Variants in ADH1B observed in about 807,000 individuals in gnomAD.
ADH1B encodes the protein all-trans-retinol dehydrogenase [NAD(+)] ADH1B.
A neutral mutation model predicts 34.6 loss-of-function variants in ADH1B; 29 were observed. That is an observed-to-expected ratio of 0.84 (90% confidence interval 0.62 to 1.14). The LOEUF (loss-of-function observed/expected upper bound fraction) is 1.14, where lower values mean the gene tolerates loss of function less well. Among genes scored for constraint, ADH1B ranks in the 50% most tolerant of loss-of-function variants. The pLI, the probability that ADH1B is intolerant of heterozygous loss-of-function variation, is 0.00. For missense variants in ADH1B, 424 were observed against 468.4 expected (o/e 0.91, Z 0.87); for synonymous variants, 170 against 175.5 (o/e 0.97, Z 0.25).
intron 1 of ADH1B, chr4:99,320,171 A>T (rs957630251): frequency 6.6e-6 from 1 of 152,042 alleles, no homozygotes; most frequent in African/African-American, 2.4e-5. Context: ...ACTGAACCCA[A>T]TATGTAGTCT....
In ADH1B at chr4:99,314,010, T is replaced by C. The variant is rs755890908; in HGVS notation, c.639A>G (p.Lys213=). The part of the protein sequence containing the change: ...GVGLSAVMGC[K]AAGAARIIAV... The stretch of plus-strand genomic sequence containing the variant: ...CAATGATTCTGGCTGCTCCAGCTGC[T>C]TTACAGCCCATAACAGCAGATAGGC... The change falls in exon 6 of 9, where the codon AAA becomes AAG. Residue 213 remains lysine (K), a synonymous_variant. Coordinates refer to ENST00000305046, the MANE Select transcript of ADH1B (RefSeq NM_000668.6). 52 of 1,614,086 alleles carry C rather than the reference T, an allele frequency of 3.2e-5. No individual in the cohort carries two copies. The highest frequency in any genetic ancestry group is 4.2e-5 in the Non-Finnish European group (50 of 1,180,042).
At chr4:99,317,918 T>A (rs1015151405) in intron 3 of ADH1B, 128 bp downstream of exon 3, 3 of 1,483,738 alleles carry the variant, frequency 2.0e-6, no homozygotes, top group Non-Finnish European at 2.7e-6. Flanking sequence ...AAGAGGAAAC[T>A]CCTGAAGTCC....
At chr4:99,313,545 T>C (rs558959237) in intron 6 of ADH1B, 249 of 433,054 alleles carry the variant, frequency 5.7e-4, no homozygotes, top group Admixed American at 1.3e-3. Flanking sequence ...ATTTTTTAAC[T>C]AAAAATTAAT....
At chr4:99,310,930 G>C in intron 7 of ADH1B, 27 bp from the exon 8 acceptor site, 1 of 1,607,098 alleles carries the variant, frequency 6.2e-7, no homozygotes, top group Non-Finnish European at 8.5e-7. Context: ...ATCATTGTTG[G>C]ATTCAGCTAG....
At chr4:99,309,174 A>G (rs190708758) in intron 8 of ADH1B, among the ~76,000 whole-genome samples, 1 of 152,148 alleles carries the variant, frequency 6.6e-6, no homozygotes, top group Admixed American at 6.5e-5. Flanking sequence ...ATGTTTCTAA[A>G]GTTCTAACAA....
Position 99,321,052 on chromosome 4 carries a change from AT to A in ADH1B, c.18+261del. The A allele has an allele frequency of 5.0e-6, 3 of 598,750 alleles. No individual in the cohort carries two copies. In the South Asian group the frequency reaches 6.2e-5, roughly 12 times the overall value. 37.1% of individuals were successfully genotyped at this position (598,750 alleles called of 1,614,324 possible). A position where few individuals can be genotyped will look rare whatever the true frequency, so the allele number is the denominator to read the frequency against. The stretch of plus-strand genomic sequence containing the variant: ...CATGATTAGCTTGGAATAAACTATC[AT>A]TTTACTGTAAATTTATTTAATGTAG... On this transcript the variant is annotated intron_variant, in intron 1 of 8. Transcript: ENST00000305046.
At chr4:99,319,279 A>G (rs1733962742) in intron 1 of ADH1B, 7 of 294,246 alleles carry the variant, frequency 2.4e-5, no homozygotes, top group Non-Finnish European at 3.9e-5. Context: ...GTCTGTCTAC[A>G]TAAAATACAC....
chr4:99,316,279 T>G lies in ADH1B; in HGVS notation c.283A>C (p.Thr95Pro). Residue 95 changes from threonine (T) to proline (P), a missense_variant, in exon 4 of 9, where the codon ACT becomes CCT. Thr to Pro is a conservative substitution (Grantham distance 38, BLOSUM62 -1). This residue lies in a region of ADH1B where 291 missense variants were observed against 300.4 expected (regional missense o/e 0.97). Coordinates refer to ENST00000305046, the MANE Select transcript of ADH1B (RefSeq NM_000668.6). ...ACTCTGCATTTTCCACACTGAGGAG[T>G]AAAGAGCGGGATGACTTTATCACCT... ...KPGDKVIPLF[T>P]PQCGKCRVCK... The G allele has an allele frequency of 6.2e-7, 1 of 1,614,104 alleles. No individual in the cohort carries two copies. Among genetic ancestry groups the G allele is most frequent in the Non-Finnish European group, 8.5e-7 (1 of 1,180,020 alleles).
chr4:99,308,214 G>A (rs1733662168), intron 8 of ADH1B, among the ~76,000 whole-genome samples: 1 of 151,820 alleles, frequency 6.6e-6, no homozygotes, highest in South Asian at 2.1e-4. Context: ...CTTGCAGTAA[G>A]TTCTTACTAT....
Position 99,316,267 on chromosome 4 carries a change from C to T in ADH1B, c.295G>A (p.Gly99Arg). The change falls in exon 4 of 9, where the codon GGA (glycine) becomes AGA (arginine). Residue 99 changes from glycine (G) to arginine (R), a missense_variant. This residue lies in a region of ADH1B where 291 missense variants were observed against 300.4 expected (regional missense o/e 0.97). Coordinates refer to ENST00000305046, the MANE Select transcript of ADH1B (RefSeq NM_000668.6). Reference protein sequence around the residue: ...KVIPLFTPQCGKCRVCKNPES... With the variant: ...KVIPLFTPQCRKCRVCKNPES... ...GGGTTTTTACAAACTCTGCATTTTC[C>T]ACACTGAGGAGTAAAGAGCGGGATG... is the stretch of plus-strand genomic sequence containing the variant. The T allele has an allele frequency of 6.2e-7, 1 of 1,614,182 alleles. No individual in the cohort carries two copies. The highest frequency in any genetic ancestry group is 8.5e-7 in the Non-Finnish European group (1 of 1,180,038).
At chr4:99,318,699 CTT>C in intron 2 of ADH1B, 84 bp downstream of exon 2, 1 of 1,278,298 alleles carries the variant, frequency 7.8e-7, no homozygotes, top group Non-Finnish European at 1.1e-6. Flanking sequence ...AGATATGCCT[CTT>C]AGTGGATTTT....
chr4:99,316,157 A>G (rs771688874), intron 4 of ADH1B, 40 bp from the exon 5 acceptor site: 97 of 1,614,150 alleles, frequency 6.0e-5, no homozygotes, highest in Non-Finnish European at 8.1e-5. Context: ...GGCATGAGAC[A>G]GGAGCATAAG....
rs1733936788 is a variant in ADH1B, at chr4:99,318,180, A to G, written c.125T>C (p.Val42Ala). ...ATCTGTGTGACAGATTCCTACAGCC[A>G]CCATCTACAGAATAAAGAGAAGCTG... is the stretch of plus-strand genomic sequence containing the variant. ...PKAYEVRIKM[V>A]AVGICHTDDH... Residue 42 changes from valine (V) to alanine (A), a missense_variant, in exon 3 of 9, where the codon GTG becomes GCG. Transcript: ENST00000305046. The G allele has an allele frequency of 5.0e-6, 8 of 1,614,098 alleles. No individual in the cohort carries two copies. The highest frequency in any genetic ancestry group is 6.8e-6 in the Non-Finnish European group (8 of 1,179,964).
chr4:99,314,774 C>T (rs1733835857), intron 5 of ADH1B: 1 of 152,352 alleles, frequency 6.6e-6, no homozygotes, highest in East Asian at 1.9e-4. Context: ...ATCACTTTGA[C>T]CATCTGCTAA....
At chr4:99,310,942 G>T in intron 7 of ADH1B, 39 bp from the exon 8 acceptor site, 1 of 1,595,138 alleles carries the variant, frequency 6.3e-7, no homozygotes, top group East Asian at 2.2e-5. Context: ...TTCAGCTAGG[G>T]TAAGTAGGAG....
Position 99,316,063 on chromosome 4 carries a change from C to G in ADH1B, c.402G>C (p.Arg134Ser), listed in dbSNP as rs149912181. The G allele has an allele frequency of 3.1e-6, 5 of 1,614,166 alleles. No individual in the cohort carries two copies. In the South Asian group the frequency reaches 4.4e-5, roughly 14 times the overall value. ...CAAGGAAGTGGTGAATGGGCTTCCC[C>G]CTGCAGGTGAACCTCCTGGTGCCAT... is the stretch of plus-strand genomic sequence containing the variant. ...LQDGTRRFTCRGKPIHHFLGT... is the reference protein window; with the variant it reads ...LQDGTRRFTCSGKPIHHFLGT... The change falls in exon 5 of 9, where the codon AGG becomes AGC. Residue 134 changes from arginine to serine, a missense_variant. Physicochemically the swap from Arg to Ser is moderately radical, Grantham distance 110. Around this residue, in one of 3 missense-constraint regions of ADH1B, gnomAD observed 291 missense variants for 300.4 expected, o/e 0.97. Coordinates refer to ENST00000305046, the MANE Select transcript of ADH1B (RefSeq NM_000668.6).
At chr4:99,319,825 A>G (rs1249393877) in intron 1 of ADH1B, 5 of 152,090 alleles carry the variant, frequency 3.3e-5, no homozygotes, top group Non-Finnish European at 7.4e-5. Flanking sequence ...TTCAATTGAG[A>G]TTTATTTTTC....
At chr4:99,315,758 T>G in intron 5 of ADH1B, 140 bp downstream of exon 5, 6 of 1,022,684 alleles carry the variant, frequency 5.9e-6, no homozygotes, top group Non-Finnish European at 8.6e-6. Context: ...GTGTACTCAA[T>G]TCTTTCTGGG....
At chr4:99,318,974 T>C (rs757830318) in intron 1 of ADH1B, 88 bp from the exon 2 acceptor site, 4 of 1,374,358 alleles carry the variant, frequency 2.9e-6, no homozygotes, top group Non-Finnish European at 4.2e-6. Flanking sequence ...CATGTAATAT[T>C]GCGTCCCATG....
Sources: gnomAD v4.1 joint callset for allele counts (sites outside exome capture counted in the v4.1 genomes callset) on GRCh38, gnomAD v4.1.1 for gene constraint, gnomAD v4.1.1 regional missense constraint, MANE v1.5 for transcripts, NCBI Gene and HGNC (gene_info 2026-07-23, HGNC 2026-07-21) for gene names.